Variants in CDC45 observed in about 807,000 individuals in gnomAD.
CDC45 encodes cell division control protein 45 homolog.
CDC45 carries 54 observed loss-of-function variants against 77.8 expected under a neutral mutation model. That is an observed-to-expected ratio of 0.69 (90% CI 0.56 to 0.87). CDC45 has a LOEUF of 0.87. Among genes scored for constraint, CDC45 ranks in the 40% least tolerant of loss-of-function variants. The probability of loss-of-function intolerance (pLI) is 0.00; values close to 1 mark genes in which losing one functional copy is unlikely to be tolerated. For missense variants in CDC45, 649 were observed against 721.6 expected, an observed-to-expected ratio of 0.90 and a Z score of 1.15; for synonymous variants, 260 against 272.1, an observed-to-expected ratio of 0.96 and a Z score of 0.44.
Position 19,494,364 on chromosome 22 carries a change from G to A in CDC45, c.524G>A (p.Arg175Gln), listed in dbSNP as rs761996349. The A allele has an allele frequency of 1.1e-5, 17 of 1,613,408 alleles. No homozygotes were observed. Among genetic ancestry groups the A allele is most frequent in the Admixed American group, 3.3e-5 (2 of 60,020 alleles). ...CAAACCATGCGGAGGAGGCAGCGGCGAGAGTGGGAGGCCCGGAGGTGAGTC... is the reference window on the plus strand; with the variant it reads ...CAAACCATGCGGAGGAGGCAGCGGCAAGAGTGGGAGGCCCGGAGGTGAGTC... ...VEQTMRRRQRREWEARRRDIL... is the reference protein window; with the variant it reads ...VEQTMRRRQRQEWEARRRDIL... The change falls in exon 6 of 19, where the codon CGA becomes CAA. Residue 175 changes from arginine (R) to glutamine (Q), a missense_variant. Arg to Gln is a conservative substitution (Grantham distance 43, BLOSUM62 1). Transcript: ENST00000263201.
In CDC45 at chr22:19,501,111, C is replaced by T. The variant is rs548810169; in HGVS notation, c.704+1960C>T. On this transcript the variant is annotated intron_variant, in intron 9 of 18. Transcript: ENST00000263201. ...AGAGGAATCGCTTGAACCCAGGAGG[C>T]GGAGGCTGCGGTGAGCTGAGATCGT... Among the ~76,000 whole-genome samples, 11 of 152,218 alleles carry T rather than the reference C, an allele frequency of 7.2e-5. No homozygotes were observed. In the South Asian group the frequency reaches 1.7e-3, roughly 23 times the overall value.
chr22:19,515,127 C>A, intron 15 of CDC45, 79 bp downstream of exon 15: 1 of 1,306,078 alleles, frequency 7.7e-7, no homozygotes, highest in South Asian at 1.5e-5. Context: ...TAGATGCTGG[C>A]CTTGGGGTGC....
At chr22:19,516,308 C>CGGGAGGGCAGGTGTT in intron 15 of CDC45, 1 of 573,734 alleles carries the variant, frequency 1.7e-6, no homozygotes, top group Non-Finnish European at 3.1e-6. Flanking sequence ...GCTGTGGGTA[C>CGGGAGGGCAGGTGTT]GGGAGGGCAG....
intron 5 of CDC45, among the ~76,000 whole-genome samples, chr22:19,489,329 T>TAAAA (rs200975026): frequency 7.0e-6 from 1 of 143,060 alleles, no homozygotes; most frequent in Admixed American, 7.0e-5. Context: ...GGTATTGCTT[T>TAAAA]AAAAAAAAAA....
rs569925033 is a variant in CDC45 at position 19,481,183 on chromosome 22, T to C, written c.204+138T>C. 9.7e-4 allele frequency: 559 copies of C among 575,444 alleles called. 1 individual carries two copies. The South Asian group carries it at 0.01, about 10-fold the overall frequency. 35.6% of individuals were successfully genotyped at this position (575,444 alleles called of 1,614,324 possible). ...GGCAATATGGAAGAGAAAAACATGC[T>C]GTATTTACTGGTGACTTACCACGCC... is the stretch of plus-strand genomic sequence containing the variant. On this transcript the variant is annotated intron_variant, in intron 3 of 18. Coordinates refer to ENST00000263201, the MANE Select transcript of CDC45 (RefSeq NM_003504.5).
rs1216745430 is a variant in CDC45, at chr22:19,508,704, C to T, written c.1217+13C>T. ...ACAGCCTCTCCAGGTAGCAGGAGGG[C>T]TGTGGGTTTGCCTCATGGGGCCACC... On this transcript the variant is annotated intron_variant, in intron 13 of 18. Transcript: ENST00000263201. 3.7e-6 allele frequency: 6 copies of T among 1,612,712 alleles called. No homozygotes were observed. Among genetic ancestry groups the T allele is most frequent in the Non-Finnish European group, 5.1e-6 (6 of 1,179,210 alleles).
chr22:19,507,325 A>C (rs1187893085), intron 10 of CDC45, 61 bp from the exon 11 acceptor site: 9 of 1,588,052 alleles, frequency 5.7e-6, no homozygotes, highest in Non-Finnish European at 7.7e-6. Context: ...CACCTGCTGG[A>C]GTTACGAGAG....
chr22:19,504,182 C>T (rs1933023112), intron 9 of CDC45, among the ~76,000 whole-genome samples: 1 of 152,236 alleles, frequency 6.6e-6, no homozygotes. Flanking sequence ...TACACTGAGA[C>T]AGCAGAGTTT....
At chr22:19,485,251 T>C (rs1191572625) in intron 5 of CDC45, among the ~76,000 whole-genome samples, 2 of 152,258 alleles carry the variant, frequency 1.3e-5, no homozygotes, top group African/African-American at 4.8e-5. Flanking sequence ...TTTTCCACTC[T>C]GACTAATAAA....
At chr22:19,486,096 C>G (rs868251444) in intron 5 of CDC45, among the ~76,000 whole-genome samples, 2 of 152,032 alleles carry the variant, frequency 1.3e-5, no homozygotes, top group Non-Finnish European at 2.9e-5. Flanking sequence ...ATCTCGGCTC[C>G]CTTCAACCTC....
chr22:19,518,818 C>T (rs186786192), intron 17 of CDC45, 26 bp from the exon 18 acceptor site: 16 of 1,604,418 alleles, frequency 1.0e-5, no homozygotes, highest in Middle Eastern at 1.7e-4. Context: ...TCCCTTCTCA[C>T]GGCTGTTTTT....
chr22:19,482,583 C>T, intron 3 of CDC45, 107 bp from the exon 4 acceptor site: 1 of 1,239,742 alleles, frequency 8.1e-7, no homozygotes, highest in South Asian at 1.5e-5. Flanking sequence ...GGCCTCGCCA[C>T]ATGTCAGGGA....
At chr22:19,479,867 A>C, upstream of CDC45, 1 of 1,171,662 alleles carries the variant, frequency 8.5e-7, no homozygotes. Context: ...TTGGTTGGTG[A>C]TCCCTGGACC....
At chr22:19,481,122 A>G (rs2089974813) in intron 3 of CDC45, 77 bp downstream of exon 3, 1 of 930,146 alleles carries the variant, frequency 1.1e-6, no homozygotes, top group Non-Finnish European at 1.8e-6. Context: ...TATTTCCACG[A>G]TAGATTAAGC....
At chr22:19,509,216 A>C (rs575278076) in intron 13 of CDC45, among the ~76,000 whole-genome samples, 10 of 152,316 alleles carry the variant, frequency 6.6e-5, no homozygotes, top group African/African-American at 2.4e-4. Flanking sequence ...GAATTAGAAA[A>C]GAGGATTATA....
At chr22:19,504,011 C>T (rs540514631) in intron 9 of CDC45, among the ~76,000 whole-genome samples, 1 of 152,334 alleles carries the variant, frequency 6.6e-6, no homozygotes, top group East Asian at 1.9e-4. Flanking sequence ...ACCCAGTGGC[C>T]GCTTGGGCTT....
chr22:19,518,201 T>C (rs1336680090), intron 17 of CDC45, among the ~76,000 whole-genome samples: 2 of 152,162 alleles, frequency 1.3e-5, no homozygotes, highest in African/African-American at 4.8e-5. Flanking sequence ...AACTGCTTGG[T>C]TTCCCTGAGG....
chr22:19,518,473 G>A (rs1042632047), intron 17 of CDC45, among the ~76,000 whole-genome samples: 5 of 152,316 alleles, frequency 3.3e-5, no homozygotes, highest in African/African-American at 1.2e-4. Flanking sequence ...GCCAGAGTGC[G>A]GCCAAAAGTG....
intron 15 of CDC45, among the ~76,000 whole-genome samples, chr22:19,516,176 C>T (rs890819951): frequency 7.3e-5 from 11 of 151,622 alleles, no homozygotes; most frequent in African/African-American, 2.7e-4. Flanking sequence ...TGCTGCAGGA[C>T]CTGAAGGAGG....
Sources: allele counts gnomAD v4.1 joint callset (sites outside exome capture counted in the v4.1 genomes callset), GRCh38; gene constraint gnomAD v4.1.1; transcripts MANE v1.5; gene names NCBI Gene and HGNC (gene_info 2026-07-23, HGNC 2026-07-21).